Variants in ZFYVE9 observed in about 807,000 individuals in gnomAD.
The protein encoded by ZFYVE9 is zinc finger FYVE domain-containing protein 9.
Under a neutral mutation model 126.7 loss-of-function variants are expected in ZFYVE9, and 43 were observed. That is an observed-to-expected ratio of 0.34 (90% confidence interval 0.27 to 0.44). The LOEUF (loss-of-function observed/expected upper bound fraction) is 0.44. ZFYVE9 is among the 20% of genes least tolerant of loss of function. The pLI, the probability that ZFYVE9 is intolerant of heterozygous loss-of-function variation, is 1.00. For missense variants in ZFYVE9, 1,476 were observed against 1,697.0 expected, an observed-to-expected ratio of 0.87 and a Z score of 2.29; for synonymous variants, 521 against 597.4, an observed-to-expected ratio of 0.87 and a Z score of 1.87.
At chr1:52,287,039 C>A (rs1383166727) in intron 10 of ZFYVE9, among the ~76,000 whole-genome samples, 2 of 152,062 alleles carry the variant, frequency 1.3e-5, no homozygotes, top group Non-Finnish European at 2.9e-5. Context: ...GATGACCCTC[C>A]CAGACAGAAG....
In ZFYVE9 at chr1:52,334,890, A is replaced by G. The variant is rs1263397678; in HGVS notation, c.3670+122A>G. On this transcript the variant is annotated intron_variant, in intron 15 of 18. Coordinates refer to ENST00000287727, the MANE Select transcript of ZFYVE9 (RefSeq NM_004799.4). ...GTTTTTTCAGTAGCATCTCTTCAGC[A>G]AATTAAAACTGCCATGAGAGTGCTT... is the stretch of plus-strand genomic sequence containing the variant. The G allele has an allele frequency of 4.4e-6, 4 of 910,966 alleles. No individual in the cohort carries two copies. In the Admixed American group the frequency reaches 7.1e-5, roughly 16 times the overall value. 56.4% of individuals were successfully genotyped at this position (910,966 alleles called of 1,614,324 possible).
In ZFYVE9 at chr1:52,279,584, C is replaced by T. The variant is rs372258592; in HGVS notation, c.2869+970C>T. ...GCTCAAGCAGTTCTCCCACGTCAGC[C>T]TCCCAAGTAGCTGAGACTACAGGTG... On this transcript the variant is annotated intron_variant, in intron 9 of 18. Coordinates refer to ENST00000287727, the MANE Select transcript of ZFYVE9 (RefSeq NM_004799.4). 1.4e-4 allele frequency among the ~76,000 whole-genome samples: 21 copies of T among 152,254 alleles called. No homozygotes were observed. The East Asian group carries it at 2.5e-3, about 18-fold the overall frequency.
At chr1:52,273,699 G>A (rs193085916) in intron 7 of ZFYVE9, among the ~76,000 whole-genome samples, 113 of 151,636 alleles carry the variant, frequency 7.5e-4, no homozygotes, top group African/African-American at 2.3e-3. Flanking sequence ...GTGGTGGCAC[G>A]CACCTGTAAT....
chr1:52,184,876 T>G (rs940718561), intron 1 of ZFYVE9, among the ~76,000 whole-genome samples: 7 of 151,920 alleles, frequency 4.6e-5, no homozygotes, highest in African/African-American at 7.3e-5. Context: ...AAACAAAGAC[T>G]GGGCACGGTG....
chr1:52,268,493 G>T lies in ZFYVE9; in HGVS notation c.2486G>T (p.Trp829Leu), dbSNP rs765843495. The T allele has an allele frequency of 7.5e-5, 121 of 1,613,972 alleles. No individual in the cohort carries two copies. Among genetic ancestry groups the T allele is most frequent in the Non-Finnish European group, 1.0e-4 (118 of 1,179,994 alleles). Residue 829 changes from tryptophan to leucine, a missense_variant, in exon 7 of 19, where the codon TGG becomes TTG. Physicochemically the swap from Trp to Leu is moderately conservative, Grantham distance 61. Around this residue, in one of 2 missense-constraint regions of ZFYVE9, gnomAD observed 669 missense variants for 902.4 expected, o/e 0.74. Coordinates refer to ENST00000287727, the MANE Select transcript of ZFYVE9 (RefSeq NM_004799.4). ...CAGCCCAGAGAGCAGAGGCGAGTTT[G>T]GTTTGCTGATGGGATCTTGCCCAAT... Reference protein sequence around the residue: ...VAQPREQRRVWFADGILPNGE... With the variant: ...VAQPREQRRVLFADGILPNGE...
At position 52,263,753 on chromosome 1, in the gene ZFYVE9, T is replaced by TACC; in HGVS notation, c.2179-20_2179-19insACC. 1.4e-6 allele frequency: 1 copy of TACC among 713,090 alleles called. No individual in the cohort carries two copies. The allele number at this position is 713,090 out of a possible 1,614,324, so 44.2% of individuals were successfully genotyped here. ...ATCCCAAGTAAATTTTGTGTGTTCT[T>TACC]CCCCCCCCCCCCCCCACAGGTTTTC... On this transcript the variant is annotated intron_variant, in intron 4 of 18. Transcript: ENST00000287727.
intron 5 of ZFYVE9, chr1:52,264,101 G>T: frequency 3.6e-6 from 1 of 276,858 alleles, no homozygotes; most frequent in Non-Finnish European, 6.8e-6. Flanking sequence ...AAGTTTTGCA[G>T]GAATAATGGA....
chr1:52,344,694 C>T, intron 17 of ZFYVE9, 74 bp from the exon 18 acceptor site: 2 of 1,500,916 alleles, frequency 1.3e-6, no homozygotes, highest in African/African-American at 1.4e-5. Flanking sequence ...TCAGGGTGCT[C>T]ATATACAGTG....
intron 13 of ZFYVE9, among the ~76,000 whole-genome samples, chr1:52,324,296 A>G (rs571525512): frequency 1.3e-5 from 2 of 152,214 alleles, no homozygotes; most frequent in Admixed American, 1.3e-4. Flanking sequence ...AAAACAAAAC[A>G]AAACAGATTG....
rs188413740 is a variant in ZFYVE9 at position 52,200,107 on chromosome 1, T to G, written c.-142-16262T>G. On this transcript the variant is annotated intron_variant, in intron 1 of 18. Transcript: ENST00000287727. ...CTTTATCAGATAAATCTTTTTCAAG[T>G]ATGTTCTCCCAGTCTGTGGCTTGTC... 4.6e-5 allele frequency among the ~76,000 whole-genome samples: 7 copies of G among 152,102 alleles called. No homozygotes were observed. The East Asian group carries it at 1.2e-3, about 25-fold the overall frequency.
chr1:52,333,214 A>C (rs1043533773), intron 14 of ZFYVE9, among the ~76,000 whole-genome samples: 1 of 151,960 alleles, frequency 6.6e-6, no homozygotes, highest in Non-Finnish European at 1.5e-5. Flanking sequence ...CAGCAAAACT[A>C]ACATGGCATG....
intron 9 of ZFYVE9, among the ~76,000 whole-genome samples, chr1:52,280,951 A>AT (rs1645796769): frequency 6.6e-6 from 1 of 152,030 alleles, no homozygotes; most frequent in African/African-American, 2.4e-5. Flanking sequence ...CGATGATGTG[A>AT]TTTTTTAAAA....
chr1:52,262,216 A>G (rs373431953), intron 4 of ZFYVE9, among the ~76,000 whole-genome samples: 1 of 152,180 alleles, frequency 6.6e-6, no homozygotes, highest in African/African-American at 2.4e-5. Flanking sequence ...AGTCTCCCTC[A>G]GGCTTCTTTT....
intron 10 of ZFYVE9, among the ~76,000 whole-genome samples, chr1:52,285,093 A>G (rs146111158): frequency 1.7e-4 from 26 of 152,268 alleles, no homozygotes; most frequent in African/African-American, 5.8e-4. Context: ...GCGTACCTAA[A>G]TCACAGACCA....
chr1:52,177,797 C>T (rs942184931), intron 1 of ZFYVE9, among the ~76,000 whole-genome samples: 2 of 152,112 alleles, frequency 1.3e-5, no homozygotes, highest in Admixed American at 1.3e-4. Flanking sequence ...GTATGTGGAA[C>T]AACATATGCT....
At chr1:52,255,229 T>A (rs1645492281) in intron 4 of ZFYVE9, among the ~76,000 whole-genome samples, 1 of 152,172 alleles carries the variant, frequency 6.6e-6, no homozygotes, top group African/African-American at 2.4e-5. Flanking sequence ...TATGCTTTGT[T>A]TACAATTAAA....
chr1:52,198,947 G>A (rs919058540), intron 1 of ZFYVE9, among the ~76,000 whole-genome samples: 1 of 152,118 alleles, frequency 6.6e-6, no homozygotes, highest in African/African-American at 2.4e-5. Flanking sequence ...TATTTTATGG[G>A]TTTGGACATA....
intron 1 of ZFYVE9, among the ~76,000 whole-genome samples, chr1:52,202,428 C>T (rs1209897219): frequency 4.6e-5 from 7 of 151,852 alleles, no homozygotes; most frequent in South Asian, 2.1e-4. Context: ...TACAGGCTTG[C>T]GCCACTACCG....
intron 2 of ZFYVE9, among the ~76,000 whole-genome samples, chr1:52,230,330 C>T (rs1469096647): frequency 1.3e-5 from 2 of 152,136 alleles, no homozygotes; most frequent in Non-Finnish European, 2.9e-5. Context: ...AAGGCCCCAC[C>T]CCGTCCTCCC....
Sources: allele counts gnomAD v4.1 joint callset (sites outside exome capture counted in the v4.1 genomes callset), GRCh38; gene constraint gnomAD v4.1.1; regional missense constraint gnomAD v4.1.1; transcripts MANE v1.5; gene names NCBI Gene and HGNC (gene_info 2026-07-23, HGNC 2026-07-21).